TSPAN9: variants seen among roughly 807,000 people sequenced by gnomAD.
TSPAN9 encodes tetraspanin-9.
In TSPAN9, 16 loss-of-function variants were observed where a neutral mutation model predicts 31.0. The observed-to-expected ratio is 0.52, with a 90% CI of 0.35 to 0.78. The LOEUF (loss-of-function observed/expected upper bound fraction) is 0.78. Among genes scored for constraint, TSPAN9 ranks in the 30% least tolerant of loss-of-function variants. TSPAN9 has a pLI of 0.01. For synonymous variants in TSPAN9, 145 were observed against 121.6 expected, an observed-to-expected ratio of 1.19 and a Z score of -1.27; for missense variants, 272 against 312.5, an observed-to-expected ratio of 0.87 and a Z score of 0.98.
chr12:3,222,414 T>A (rs1255091405), intron 3 of TSPAN9, among the ~76,000 whole-genome samples: 1 of 152,226 alleles, frequency 6.6e-6, no homozygotes, highest in Non-Finnish European at 1.5e-5. Flanking sequence ...GAGCAGCAAG[T>A]GCTTCCTGGG....
In TSPAN9 at chr12:3,097,061, C is replaced by T. The variant is rs930357074; in HGVS notation, c.-18+13342C>T. Among the ~76,000 whole-genome samples the T allele has an allele frequency of 7.9e-5, 12 of 152,122 alleles. No homozygotes were observed. In the South Asian group the frequency reaches 1.2e-3, roughly 16 times the overall value. On this transcript the variant is annotated intron_variant, in intron 2 of 8. Transcript: ENST00000011898. ...ATGCTGCCTTTCCCAAAAGAGGTGG[C>T]GAGGACGTTGAGGGAAGAGGAGGCC...
Position 3,284,503 on chromosome 12 carries a change from A to G in TSPAN9, c.*1387A>G, listed in dbSNP as rs1325389956. 6.5e-6 allele frequency: 1 copy of G among 152,676 alleles called. No individual in the cohort carries two copies. The highest frequency in any genetic ancestry group is 2.4e-5 in the African/African-American group (1 of 41,452). 9.5% of individuals were successfully genotyped at this position (152,676 alleles called of 1,614,324 possible). On this transcript the variant is annotated 3_prime_UTR_variant, in exon 9 of 9. Transcript: ENST00000011898. ...GTGATCCCAAGGAGAAGAAATACAG[A>G]AAACCCAAGAGAGGTCAGACTGGCT...
chr12:3,197,101 G>A (rs1404659701), intron 2 of TSPAN9, among the ~76,000 whole-genome samples: 3 of 152,152 alleles, frequency 2.0e-5, no homozygotes, highest in Non-Finnish European at 4.4e-5. Flanking sequence ...CACCTCTAGG[G>A]GGTAGGCTCT....
chr12:3,207,161 CA>C (rs1208726757), intron 3 of TSPAN9, among the ~76,000 whole-genome samples: 2 of 152,032 alleles, frequency 1.3e-5, no homozygotes, highest in Non-Finnish European at 2.9e-5. Flanking sequence ...GCTGGCTTTC[CA>C]GGGCTCCTAG....
intron 3 of TSPAN9, among the ~76,000 whole-genome samples, chr12:3,256,260 C>T (rs3825343): frequency 0.39 from 59,422 of 152,154 alleles, 14,108 homozygotes; most frequent in South Asian, 0.54. Flanking sequence ...GATAGCAGTC[C>T]TGGGGGCTTC....
intron 2 of TSPAN9, among the ~76,000 whole-genome samples, chr12:3,123,219 C>T (rs928643050): frequency 6.6e-6 from 1 of 152,204 alleles, no homozygotes; most frequent in Non-Finnish European, 1.5e-5. Flanking sequence ...GCATCCCTCA[C>T]CTGCATCCAA....
chr12:3,275,286 C>T (rs1262389656), intron 3 of TSPAN9, among the ~76,000 whole-genome samples: 2 of 152,174 alleles, frequency 1.3e-5, no homozygotes, highest in Non-Finnish European at 2.9e-5. Context: ...CAGGAGAAGG[C>T]TGTGCTTTGA....
chr12:3,226,521 G>A (rs1377131269), intron 3 of TSPAN9, among the ~76,000 whole-genome samples: 1 of 151,034 alleles, frequency 6.6e-6, no homozygotes, highest in East Asian at 2.0e-4. Flanking sequence ...AGGGTCCTAA[G>A]CCTCTGTAGG....
chr12:3,237,804 C>G (rs1345613966), intron 3 of TSPAN9, among the ~76,000 whole-genome samples: 3 of 152,192 alleles, frequency 2.0e-5, no homozygotes, highest in Non-Finnish European at 4.4e-5. Context: ...CTCCAGCTGT[C>G]CCTGAGTCCA....
At chr12:3,108,345 G>A (rs1434106576) in intron 2 of TSPAN9, among the ~76,000 whole-genome samples, 1 of 152,140 alleles carries the variant, frequency 6.6e-6, no homozygotes, top group East Asian at 1.9e-4. Flanking sequence ...TCTCAGCTAG[G>A]TTCCAGCCCC....
At chr12:3,261,082 C>G (rs1159931212) in intron 3 of TSPAN9, among the ~76,000 whole-genome samples, 1 of 152,058 alleles carries the variant, frequency 6.6e-6, no homozygotes, top group Admixed American at 6.6e-5. Context: ...ACCCTGTGTT[C>G]TGGCCAAAGG....
intron 2 of TSPAN9, among the ~76,000 whole-genome samples, chr12:3,137,410 A>G (rs1279568751): frequency 6.6e-6 from 1 of 152,120 alleles, no homozygotes; most frequent in African/African-American, 2.4e-5. Context: ...CCCTTCCCAG[A>G]GCCCCGCCTC....
intron 3 of TSPAN9, among the ~76,000 whole-genome samples, chr12:3,246,456 C>T (rs1469054788): frequency 2.6e-5 from 4 of 152,186 alleles, no homozygotes; most frequent in Non-Finnish European, 4.4e-5. Flanking sequence ...GCTGCCTTGG[C>T]AGAAGGCCCT....
chr12:3,108,183 C>T (rs910348125), intron 2 of TSPAN9, among the ~76,000 whole-genome samples: 2 of 152,182 alleles, frequency 1.3e-5, no homozygotes, highest in African/African-American at 4.8e-5. Context: ...AGTGAGTCAT[C>T]GGATGCTACA....
At chr12:3,219,400 C>T (rs990242222) in intron 3 of TSPAN9, among the ~76,000 whole-genome samples, 4 of 152,144 alleles carry the variant, frequency 2.6e-5, no homozygotes, top group South Asian at 2.1e-4. Context: ...GCACCTCCTG[C>T]GGGAGCTGTG....
At chr12:3,279,170 A>G in intron 5 of TSPAN9, 104 bp downstream of exon 5, 1 of 1,018,130 alleles carries the variant, frequency 9.8e-7, no homozygotes, top group Non-Finnish European at 1.5e-6. Context: ...AGTGCTGGCA[A>G]GCAGCACCTG....
In TSPAN9 at chr12:3,218,553, G is replaced by A. The variant is rs534956968; in HGVS notation, c.63+17297G>A. Among the ~76,000 whole-genome samples, 31 of 152,282 alleles carry A rather than the reference G, an allele frequency of 2.0e-4. 1 individual carries two copies. In the South Asian group the frequency reaches 3.5e-3, roughly 17 times the overall value. Reference sequence around the variant, plus strand: ...GGCCAGGGGTGATGGCGGTAGGAGCGGGCCTGGCTGCCTTCCTGAGGGCCT... The same window carrying A: ...GGCCAGGGGTGATGGCGGTAGGAGCAGGCCTGGCTGCCTTCCTGAGGGCCT... On this transcript the variant is annotated intron_variant, in intron 3 of 8. Transcript: ENST00000011898.
chr12:3,226,867 G>A (rs370344749), intron 3 of TSPAN9, among the ~76,000 whole-genome samples: 1 of 143,208 alleles, frequency 7.0e-6, no homozygotes, highest in East Asian at 2.1e-4. Context: ...CAAGCAGCTG[G>A]GACAACAGGC....
At chr12:3,104,780 A>G (rs2098313471) in intron 2 of TSPAN9, among the ~76,000 whole-genome samples, 1 of 152,208 alleles carries the variant, frequency 6.6e-6, no homozygotes, top group African/African-American at 2.4e-5. Flanking sequence ...AGAGAAAGTA[A>G]ACATTTTGTC....
Sources: allele counts gnomAD v4.1 joint callset (sites outside exome capture counted in the v4.1 genomes callset), GRCh38; gene constraint gnomAD v4.1.1; transcripts MANE v1.5; gene names NCBI Gene and HGNC (gene_info 2026-07-23, HGNC 2026-07-21).